The following B3GALNT2 variants were observed in gnomAD, a reference collection of about 807,000 sequenced individuals.
B3GALNT2 encodes UDP-GalNAc:beta-1,3-N-acetylgalactosaminyltransferase 2.
In B3GALNT2, 53 loss-of-function variants were observed where a neutral mutation model predicts 61.1. The observed-to-expected ratio is 0.87, with a 90% CI of 0.70 to 1.09. The LOEUF (loss-of-function observed/expected upper bound fraction) is 1.09, where lower values mean the gene tolerates loss of function less well. Ranked by LOEUF, B3GALNT2 falls within the 50% of genes least tolerant of loss-of-function variation. B3GALNT2 has a pLI of 0.00. For missense variants in B3GALNT2, 544 were observed against 623.0 expected (o/e 0.87, Z 1.35); for synonymous variants, 223 against 237.4 (o/e 0.94, Z 0.56).
intron 2 of B3GALNT2, among the ~76,000 whole-genome samples, chr1:235,489,788 C>T (rs540617649): frequency 8.5e-5 from 13 of 152,140 alleles, no homozygotes; most frequent in Non-Finnish European, 1.8e-4. Flanking sequence ...TTCTCTTCAC[C>T]TTCCATCCTT....
chr1:235,464,445 A>T (rs1273338940), intron 7 of B3GALNT2: 1 of 83,728 alleles, frequency 1.2e-5, no homozygotes, highest in Non-Finnish European at 2.4e-5. Context: ...TCCCTCCCTC[A>T]CCACCTTCTC....
Position 235,473,188 on chromosome 1 carries a change from C to T in B3GALNT2, c.652-2228G>A, listed in dbSNP as rs1044886626. On this transcript the variant is annotated intron_variant, in intron 5 of 11. Coordinates refer to ENST00000366600, the MANE Select transcript of B3GALNT2 (RefSeq NM_152490.5). ...TCAGCCTCCCAAAGTGCTAGGATTA[C>T]GGGCGTGAGCCACCGCCCAACCTTT... is the stretch of plus-strand genomic sequence containing the variant. Among the ~76,000 whole-genome samples, 8 of 152,334 alleles carry T rather than the reference C, an allele frequency of 5.3e-5. No individual in the cohort carries two copies. The East Asian group carries it at 5.8e-4, about 11-fold the overall frequency.
At chr1:235,443,539 T>TGAATGGCATAGCCTTTTG (rs1682043027), downstream of B3GALNT2, among the ~76,000 whole-genome samples, 1 of 152,166 alleles carries the variant, frequency 6.6e-6, no homozygotes, top group South Asian at 2.1e-4. Context: ...CCTGAGACCT[T>TGAATGGCATAGCCTTTTG]GAATGGCATA....
intron 1 of B3GALNT2, among the ~76,000 whole-genome samples, chr1:235,500,166 T>C (rs1685521821): frequency 6.6e-6 from 1 of 152,148 alleles, no homozygotes; most frequent in Non-Finnish European, 1.5e-5. Context: ...TGCTCAACCC[T>C]GCACTGTGAG....
At position 235,447,940 on chromosome 1, in the gene B3GALNT2, T is replaced by A. The variant is rs1354478921; in HGVS notation, c.*2266A>T. ...TAAAATGAAAGATACAGCCAGGCGC[T>A]GGGCTCATGCTTGTAATCCCAGCAC... On this transcript the variant is annotated 3_prime_UTR_variant, in exon 12 of 12. Transcript: ENST00000366600. Among the ~76,000 whole-genome samples the A allele has an allele frequency of 6.6e-6, 1 of 151,958 alleles. No individual in the cohort carries two copies. The highest frequency in any genetic ancestry group is 2.1e-4 in the South Asian group (1 of 4,818).
At position 235,465,710 on chromosome 1, in the gene B3GALNT2, C is replaced by T. The variant is rs1486238010; in HGVS notation, c.767G>A (p.Gly256Glu). The T allele has an allele frequency of 6.2e-7, 1 of 1,613,880 alleles. No homozygotes were observed. Among genetic ancestry groups the T allele is most frequent in the Non-Finnish European group, 8.5e-7 (1 of 1,179,948 alleles). The change falls in exon 7 of 12, where the codon GGG becomes GAG. Residue 256 changes from glycine to glutamate, a missense_variant. Transcript: ENST00000366600. ...GAATTCATGAGGCAATGCACCCTCC[C>T]CAGCCTGAAAGGAATAAGAATGTAC... ...GGGVLRVITA[G>E]EGALPHEFLE...
At chr1:235,489,099 C>G in intron 3 of B3GALNT2, 69 bp downstream of exon 3, 5 of 1,573,134 alleles carry the variant, frequency 3.2e-6, no homozygotes, top group Non-Finnish European at 4.3e-6. Flanking sequence ...AGACTCCATA[C>G]TATTAAGCTT....
chr1:235,442,008 A>ATTTT, the B3GALNT2 span: 1 of 596,192 alleles, frequency 1.7e-6, no homozygotes, highest in Non-Finnish European at 2.8e-6. Flanking sequence ...TTAAATGAAA[A>ATTTT]TTTTTTTTTT....
Position 235,451,505 on chromosome 1 carries a change from AAAC to A in B3GALNT2, c.1369-1168_1369-1166del, listed in dbSNP as rs566026254. On this transcript the variant is annotated intron_variant, in intron 11 of 11. Coordinates refer to ENST00000366600, the MANE Select transcript of B3GALNT2 (RefSeq NM_152490.5). The stretch of plus-strand genomic sequence containing the variant: ...AAAAAAAAAAAAAGACCGCATCAGA[AAAC>A]AAGCGCCATGAACAACAGTTGTAGA... The A allele has an allele frequency of 5.3e-4, 81 of 152,246 alleles. 2 individuals are homozygous for A. The highest frequency in any genetic ancestry group is 5.0e-3 in the Admixed American group (76 of 15,286). 9.4% of individuals were successfully genotyped at this position (152,246 alleles called of 1,614,324 possible).
intron 4 of B3GALNT2, among the ~76,000 whole-genome samples, chr1:235,480,661 T>G (rs1204114471): frequency 1.3e-5 from 2 of 151,880 alleles, no homozygotes; most frequent in Non-Finnish European, 1.5e-5. Context: ...TCCCACCACT[T>G]TGGGAGGCTG....
At position 235,504,216 on chromosome 1, in the gene B3GALNT2, G is replaced by T; in HGVS notation, c.37C>A (p.Leu13Ile). The T allele has an allele frequency of 6.8e-7, 1 of 1,464,498 alleles. No homozygotes were observed. Among genetic ancestry groups the T allele is most frequent in the Non-Finnish European group, 9.0e-7 (1 of 1,115,188 alleles). The allele number at this position is 1,464,498 out of a possible 1,614,324, so 90.7% of individuals were successfully genotyped here. Residue 13 changes from leucine (L) to isoleucine (I), a missense_variant, in exon 1 of 12, where the codon CTC (leucine) becomes ATC (isoleucine). Physicochemically the swap from Leu to Ile is conservative, Grantham distance 5. Transcript: ENST00000366600. ...NWLVLLCPCV[L>I]GAALHLWLRL... ...AGCCAGAGGTGCAGCGCGGCCCCGA[G>T]CACACACGGGCACAGCAGCACCAGC...
downstream of B3GALNT2, among the ~76,000 whole-genome samples, chr1:235,446,245 G>A (rs181394864): frequency 4.4e-3 from 671 of 151,822 alleles, 2 homozygotes; most frequent in Non-Finnish European, 7.4e-3. Flanking sequence ...GCATGATCTC[G>A]GCTCACTGCA....
chr1:235,457,269 AAAAG>A (rs1230743201), intron 8 of B3GALNT2, among the ~76,000 whole-genome samples: 1 of 152,202 alleles, frequency 6.6e-6, no homozygotes, highest in Non-Finnish European at 1.5e-5. Flanking sequence ...AACAGAGAAG[AAAAG>A]AAAGAGACAG....
intron 1 of B3GALNT2, 83 bp from the exon 2 acceptor site, chr1:235,494,911 A>G (rs749856456): frequency 2.3e-5 from 30 of 1,282,372 alleles, no homozygotes; most frequent in Non-Finnish European, 3.0e-5. Flanking sequence ...TTATTACAAA[A>G]TAAGCTTATG....
At chr1:235,475,195 C>T (rs1005919624) in intron 5 of B3GALNT2, among the ~76,000 whole-genome samples, 2 of 151,188 alleles carry the variant, frequency 1.3e-5, no homozygotes, top group African/African-American at 4.9e-5. Context: ...GATGGGGTTT[C>T]ACCATGTTAG....
intron 2 of B3GALNT2, among the ~76,000 whole-genome samples, chr1:235,493,316 A>C (rs1292620236): frequency 6.6e-6 from 1 of 152,216 alleles, no homozygotes; most frequent in African/African-American, 2.4e-5. Context: ...TAACAGGGAA[A>C]TACTACAGGA....
intron 8 of B3GALNT2, among the ~76,000 whole-genome samples, chr1:235,457,332 G>A (rs1433484529): frequency 6.6e-6 from 1 of 151,878 alleles, no homozygotes; most frequent in Non-Finnish European, 1.5e-5. Flanking sequence ...AAAAATAAAA[G>A]TGAAAAAAAT....
In B3GALNT2 at chr1:235,449,566, A is replaced by G. The variant is rs529950205; in HGVS notation, c.*640T>C. ...TAGATGGCAGAAAGAAAATTTGGGT[A>G]TTAGTCTACCATATAAATGAACTTC... On this transcript the variant is annotated 3_prime_UTR_variant, in exon 12 of 12. Coordinates refer to ENST00000366600, the MANE Select transcript of B3GALNT2 (RefSeq NM_152490.5). 1 of 152,604 alleles carries G rather than the reference A, an allele frequency of 6.6e-6. No homozygotes were observed. The highest frequency in any genetic ancestry group is 2.1e-4 in the South Asian group (1 of 4,838). The allele number at this position is 152,604 out of a possible 1,614,324, so 9.5% of individuals were successfully genotyped here. A position where few individuals can be genotyped will look rare whatever the true frequency, so the allele number is the denominator to read the frequency against.
intron 1 of B3GALNT2, among the ~76,000 whole-genome samples, chr1:235,503,199 G>A (rs539128617): frequency 9.2e-5 from 14 of 152,288 alleles, no homozygotes; most frequent in African/African-American, 3.1e-4. Context: ...TTTGGGGAGA[G>A]ATGGTAAGGG....
Sources: gnomAD v4.1 joint callset for allele counts (sites outside exome capture counted in the v4.1 genomes callset) on GRCh38, gnomAD v4.1.1 for gene constraint, MANE v1.5 for transcripts, NCBI Gene and HGNC (gene_info 2026-07-23, HGNC 2026-07-21) for gene names.